Variants in NCKAP5 observed in about 807,000 individuals in gnomAD.
NCKAP5 encodes NCK associated protein 5, also known as nck-associated protein 5.
Under a neutral mutation model 167.0 loss-of-function variants are expected in NCKAP5, and 92 were observed. The ratio of observed to expected loss-of-function variants is 0.55; its 90% confidence interval spans 0.47 to 0.66. The LOEUF is 0.66. NCKAP5 is among the 30% of genes least tolerant of loss of function. The pLI, the probability that NCKAP5 is intolerant of heterozygous loss-of-function variation, is 0.00. For synonymous variants in NCKAP5, 891 were observed against 877.4 expected, an observed-to-expected ratio of 1.02 and a Z score of -0.27; for missense variants, 2,378 against 2,315.0, an observed-to-expected ratio of 1.03 and a Z score of -0.56.
At chr2:133,069,835 T>C (rs1297241642) in intron 6 of NCKAP5, among the ~76,000 whole-genome samples, 1 of 151,886 alleles carries the variant, frequency 6.6e-6, no homozygotes. Flanking sequence ...CTTATAATTA[T>C]AGATAATATT....
intron 3 of NCKAP5, among the ~76,000 whole-genome samples, chr2:133,389,730 G>A (rs1032582581): frequency 8.5e-5 from 13 of 152,162 alleles, no homozygotes; most frequent in Admixed American, 2.0e-4. Context: ...GCACACATTC[G>A]TGTGGGTGCA....
intron 2 of NCKAP5, among the ~76,000 whole-genome samples, chr2:133,547,603 C>A (rs1022107991): frequency 6.6e-6 from 1 of 151,474 alleles, no homozygotes; most frequent in East Asian, 2.0e-4. Context: ...GGGAGGCACC[C>A]CCCAGCAGGG....
chr2:133,659,913 A>G, the NCKAP5 span, among the ~76,000 whole-genome samples: 3 of 152,236 alleles, frequency 2.0e-5, no homozygotes, highest in African/African-American at 7.2e-5. Context: ...TTATACATAT[A>G]TAAGCCTTTT....
intron 11 of NCKAP5, among the ~76,000 whole-genome samples, chr2:132,846,889 C>T (rs1054588779): frequency 5.9e-5 from 9 of 152,280 alleles, no homozygotes; most frequent in Non-Finnish European, 1.3e-4. Context: ...TTATAAATTG[C>T]ATATGCTTGT....
At chr2:133,606,998 T>G in the NCKAP5 span, among the ~76,000 whole-genome samples, 2 of 152,296 alleles carry the variant, frequency 1.3e-5, no homozygotes, top group African/African-American at 4.8e-5. Context: ...ATAGAAAGGT[T>G]GCTGTGGGAG....
At chr2:132,840,368 C>G (rs570943356) in intron 11 of NCKAP5, among the ~76,000 whole-genome samples, 6 of 151,496 alleles carry the variant, frequency 4.0e-5, no homozygotes. Flanking sequence ...CTCCACCTCC[C>G]GGGTTCAAGC....
chr2:133,109,656 A>G (rs2081842722), intron 6 of NCKAP5, among the ~76,000 whole-genome samples: 1 of 152,172 alleles, frequency 6.6e-6, no homozygotes, highest in Non-Finnish European at 1.5e-5. Context: ...TATTTTTTGA[A>G]AGGCTTTTTC....
the NCKAP5 span, among the ~76,000 whole-genome samples, chr2:133,598,692 C>T: frequency 6.6e-6 from 1 of 152,150 alleles, no homozygotes; most frequent in Non-Finnish European, 1.5e-5. Flanking sequence ...AATAGGTGAC[C>T]TGTATATTGT....
chr2:133,431,293 T>C (rs1690143173), intron 3 of NCKAP5, among the ~76,000 whole-genome samples: 1 of 152,142 alleles, frequency 6.6e-6, no homozygotes, highest in Admixed American at 6.6e-5. Flanking sequence ...CTCCATGTTT[T>C]ATATATTTAA....
intron 5 of NCKAP5, among the ~76,000 whole-genome samples, chr2:133,202,824 T>C (rs974979790): frequency 2.0e-5 from 3 of 151,990 alleles, no homozygotes; most frequent in African/African-American, 7.3e-5. Flanking sequence ...GAAATGCAAA[T>C]CAAAACCACA....
chr2:132,926,655 T>C (rs1232285697), intron 8 of NCKAP5, among the ~76,000 whole-genome samples: 1 of 152,230 alleles, frequency 6.6e-6, no homozygotes, highest in Non-Finnish European at 1.5e-5. Flanking sequence ...TTCATTGCTT[T>C]TGGCCATTTG....
At chr2:133,072,977 A>G (rs1259642711) in intron 6 of NCKAP5, among the ~76,000 whole-genome samples, 1 of 152,176 alleles carries the variant, frequency 6.6e-6, no homozygotes, top group Non-Finnish European at 1.5e-5. Flanking sequence ...TCCTGAACAA[A>G]ATACATATAG....
intron 3 of NCKAP5, among the ~76,000 whole-genome samples, chr2:133,511,599 C>T (rs1683500803): frequency 6.6e-6 from 1 of 152,210 alleles, no homozygotes; most frequent in Admixed American, 6.5e-5. Context: ...CTAGTCTATT[C>T]CCCACCAGTT....
At chr2:133,621,250 C>T in the NCKAP5 span, among the ~76,000 whole-genome samples, 1 of 151,484 alleles carries the variant, frequency 6.6e-6, no homozygotes, top group Non-Finnish European at 1.5e-5. Flanking sequence ...AAACCCAGCA[C>T]AAGAAAGAAA....
intron 6 of NCKAP5, among the ~76,000 whole-genome samples, chr2:133,055,453 A>G (rs756993105): frequency 1.4e-5 from 2 of 138,066 alleles, no homozygotes; most frequent in Non-Finnish European, 1.5e-5. Context: ...GTGCTGCGAG[A>G]TATCAGTTTA....
intron 7 of NCKAP5, among the ~76,000 whole-genome samples, chr2:132,993,160 A>C (rs2077494923): frequency 6.6e-6 from 1 of 152,148 alleles, no homozygotes; most frequent in African/African-American, 2.4e-5. Context: ...GCAAAAACCT[A>C]GGGCTGCCCA....
chr2:133,258,795 A>G (rs189993577), intron 4 of NCKAP5, among the ~76,000 whole-genome samples: 44 of 152,144 alleles, frequency 2.9e-4, no homozygotes, highest in African/African-American at 1.0e-3. Flanking sequence ...CAAAAGTAAC[A>G]GATTCAGTGA....
chr2:133,437,675 T>C (rs1690579132), intron 3 of NCKAP5, among the ~76,000 whole-genome samples: 1 of 152,146 alleles, frequency 6.6e-6, no homozygotes, highest in African/African-American at 2.4e-5. Flanking sequence ...AGCTCTGCTT[T>C]TTATGGCCAA....
At chr2:133,150,645 G>A (rs1349718530) in intron 5 of NCKAP5, among the ~76,000 whole-genome samples, 1 of 152,170 alleles carries the variant, frequency 6.6e-6, no homozygotes, top group African/African-American at 2.4e-5. Context: ...TTGGTTTGCT[G>A]ATGGGAGTTT....
Sources: allele counts gnomAD v4.1 joint callset (sites outside exome capture counted in the v4.1 genomes callset), GRCh38; gene constraint gnomAD v4.1.1; transcripts MANE v1.5; gene names NCBI Gene and HGNC (gene_info 2026-07-23, HGNC 2026-07-21).